The following USP34 variants were observed in gnomAD, a reference collection of about 807,000 sequenced individuals.
USP34 encodes ubiquitin specific peptidase 34, also known as ubiquitin carboxyl-terminal hydrolase 34.
A neutral mutation model predicts 460.3 loss-of-function variants in USP34; 70 were observed. The ratio of observed to expected loss-of-function variants is 0.15; its 90% CI spans 0.13 to 0.19. USP34 has a LOEUF of 0.19. Ranked by LOEUF, USP34 falls within the 10% of genes least tolerant of loss-of-function variation. The probability of loss-of-function intolerance (pLI) is 1.00; values close to 1 mark genes in which losing one functional copy is unlikely to be tolerated. For missense variants in USP34, 3,985 were observed against 4,236.2 expected (o/e 0.94, Z 1.65); for synonymous variants, 1,647 against 1,405.3 (o/e 1.17, Z -3.85).
chr2:61,334,057 T>C, intron 18 of USP34, 86 bp from the exon 19 acceptor site: 1 of 943,804 alleles, frequency 1.1e-6, no homozygotes, highest in South Asian at 2.1e-5. Flanking sequence ...TGCTAAAAGA[T>C]TTAATGAATC....
chr2:61,397,460 A>T (rs1000807208), intron 3 of USP34, among the ~76,000 whole-genome samples: 13 of 136,036 alleles, frequency 9.6e-5, no homozygotes, highest in Non-Finnish European at 1.8e-4. Flanking sequence ...AAAAAAAAAA[A>T]TTCACGCTGA....
At chr2:61,468,523 G>GT (rs766935596) in intron 1 of USP34, among the ~76,000 whole-genome samples, 2 of 152,170 alleles carry the variant, frequency 1.3e-5, no homozygotes, top group South Asian at 4.1e-4. Flanking sequence ...TGAGATTATT[G>GT]TTTAAGAGTT....
At chr2:61,372,819 G>A (rs1264703845) in intron 8 of USP34, among the ~76,000 whole-genome samples, 3 of 152,124 alleles carry the variant, frequency 2.0e-5, no homozygotes, top group African/African-American at 7.2e-5. Flanking sequence ...TACATGCAAT[G>A]GGGGTCAAAG....
chr2:61,453,456 T>G (rs2104072800), intron 1 of USP34, among the ~76,000 whole-genome samples: 1 of 151,790 alleles, frequency 6.6e-6, no homozygotes, highest in South Asian at 2.1e-4. Context: ...GTGCCTGTAA[T>G]CCCAGCACTT....
Position 61,204,546 on chromosome 2 carries a change from A to G in USP34, c.9210T>C (p.Val3070=), listed in dbSNP as rs199739048. 2.5e-4 allele frequency: 406 copies of G among 1,614,042 alleles called. No homozygotes were observed. The highest frequency in any genetic ancestry group is 3.2e-4 in the Non-Finnish European group (376 of 1,180,012). Reference sequence around the variant, plus strand: ...TACAATGGTTGTGTTGTAGAAAGGGAACCAGAGTATGAAGAAAATCATGGG... The same window carrying G: ...TACAATGGTTGTGTTGTAGAAAGGGGACCAGAGTATGAAGAAAATCATGGG... ...LSPHDFLHTL[V]PFLQHNHCTY... The change falls in exon 73 of 80, where the codon GTT becomes GTC. Residue 3070 remains valine (V), a synonymous_variant. Coordinates refer to ENST00000398571, the MANE Select transcript of USP34 (RefSeq NM_014709.4).
At chr2:61,368,578 C>A (rs1489596121) in intron 10 of USP34, among the ~76,000 whole-genome samples, 1 of 151,982 alleles carries the variant, frequency 6.6e-6, no homozygotes, top group Non-Finnish European at 1.5e-5. Context: ...CAAAAAATTA[C>A]CCAGTCAAGA....
chr2:61,314,797 A>C lies in USP34; in HGVS notation c.3383-53T>G, dbSNP rs780482589. 21 of 1,585,226 alleles carry C rather than the reference A, an allele frequency of 1.3e-5. No individual in the cohort carries two copies. The South Asian group carries it at 2.3e-4, about 18-fold the overall frequency. On this transcript the variant is annotated intron_variant, in intron 24 of 79. Coordinates refer to ENST00000398571, the MANE Select transcript of USP34 (RefSeq NM_014709.4). ...ATTAGCCTTATATTCTTGTTTAGCT[A>C]TATCAAAGAAAAATTTTAGTTTCAC...
chr2:61,430,562 T>C (rs1379779302), intron 1 of USP34, among the ~76,000 whole-genome samples: 2 of 152,190 alleles, frequency 1.3e-5, no homozygotes, highest in Non-Finnish European at 2.9e-5. Flanking sequence ...TATGAGTGTA[T>C]ACATTTGTCA....
chr2:61,370,615 A>T, intron 8 of USP34, 36 bp from the exon 9 acceptor site: 1 of 1,586,496 alleles, frequency 6.3e-7, no homozygotes, highest in Admixed American at 1.8e-5. Flanking sequence ...CATTAAAAAA[A>T]ATTGTCATCT....
chr2:61,276,896 C>T (rs1167430312), intron 41 of USP34, among the ~76,000 whole-genome samples: 1 of 152,188 alleles, frequency 6.6e-6, no homozygotes, highest in African/African-American at 2.4e-5. Flanking sequence ...ATCTTCTATC[C>T]TTTTGGTTGC....
chr2:61,251,434 C>CTAG (rs1198978854), intron 48 of USP34, among the ~76,000 whole-genome samples: 6 of 152,190 alleles, frequency 3.9e-5, no homozygotes, highest in African/African-American at 1.4e-4. Flanking sequence ...TGCAGGTTGT[C>CTAG]TACTAAAGAT....
rs1224719024 is a variant in USP34 at position 61,348,083 on chromosome 2, A to G, written c.2072T>C (p.Met691Thr). The change falls in exon 15 of 80, where the codon ATG (methionine) becomes ACG (threonine). Residue 691 changes from methionine to threonine, a missense_variant. Physicochemically the swap from Met to Thr is moderately conservative, Grantham distance 81. This residue lies in a region of USP34 where 716 missense variants were observed against 626.2 expected (regional missense o/e 1.14). Coordinates refer to ENST00000398571, the MANE Select transcript of USP34 (RefSeq NM_014709.4). ...SLPSVDNRMRMLDACSHSEDP... is the reference protein window; with the variant it reads ...SLPSVDNRMRTLDACSHSEDP... ...TTCAGAGTGTGAACAAGCATCCAGC[A>G]TTCGCATTCGATTATCTACTGATGG... The G allele has an allele frequency of 6.2e-6, 10 of 1,614,120 alleles. No individual in the cohort carries two copies. Among genetic ancestry groups the G allele is most frequent in the Admixed American group, 3.3e-5 (2 of 60,008 alleles).
At chr2:61,257,453 T>C (rs1688749633) in intron 44 of USP34, 103 bp from the exon 45 acceptor site, 7 of 916,136 alleles carry the variant, frequency 7.6e-6, no homozygotes, top group Non-Finnish European at 9.0e-6. Flanking sequence ...GTAGTAAATC[T>C]ACTAAGTTAG....
At chr2:61,312,350 C>T (rs558010186) in intron 25 of USP34, among the ~76,000 whole-genome samples, 3 of 151,502 alleles carry the variant, frequency 2.0e-5, no homozygotes, top group Non-Finnish European at 4.4e-5. Flanking sequence ...ACTAACGAGC[C>T]TAATAGAATT....
intron 5 of USP34, among the ~76,000 whole-genome samples, chr2:61,384,400 T>C (rs1572988952): frequency 6.6e-6 from 1 of 152,174 alleles, no homozygotes; most frequent in Non-Finnish European, 1.5e-5. Flanking sequence ...ACAGGCGCGG[T>C]GGCTCATGCC....
intron 18 of USP34, among the ~76,000 whole-genome samples, chr2:61,335,013 A>C (rs1343068529): frequency 7.0e-6 from 1 of 142,584 alleles, no homozygotes; most frequent in East Asian, 1.9e-4. Context: ...TATAATGACC[A>C]GACAGAGTCA....
chr2:61,219,738 CTG>C (rs1243653223), intron 67 of USP34, among the ~76,000 whole-genome samples: 2 of 150,950 alleles, frequency 1.3e-5, no homozygotes, highest in Non-Finnish European at 2.9e-5. Flanking sequence ...GTATCAATGA[CTG>C]TAGGGCCTTC....
rs370923121 is a variant in USP34 at position 61,405,735 on chromosome 2, G to A, written c.525C>T (p.Tyr175=). The A allele has an allele frequency of 5.3e-5, 83 of 1,574,254 alleles. No homozygotes were observed. Among genetic ancestry groups the A allele is most frequent in the Non-Finnish European group, 6.8e-5 (79 of 1,165,052 alleles). The change falls in exon 3 of 80, where the codon TAC becomes TAT. Residue 175 remains tyrosine, a synonymous_variant. Transcript: ENST00000398571. ...CAATAGTAGGGTGAGTATTATGCTTGTAAGCAGTATATAAGGGAAACTGAA... is the reference window on the plus strand; with the variant it reads ...CAATAGTAGGGTGAGTATTATGCTTATAAGCAGTATATAAGGGAAACTGAA... ...FQIQFPLYTA[Y]KHNTHPTIED... is the part of the protein sequence containing the mutation.
intron 75 of USP34, among the ~76,000 whole-genome samples, chr2:61,197,599 C>G (rs1686845290): frequency 6.6e-6 from 1 of 151,210 alleles, no homozygotes; most frequent in Non-Finnish European, 1.5e-5. Flanking sequence ...TTACTTAATA[C>G]TTACTTTCTC....
Sources: allele counts gnomAD v4.1 joint callset (sites outside exome capture counted in the v4.1 genomes callset), GRCh38; gene constraint gnomAD v4.1.1; regional missense constraint gnomAD v4.1.1; transcripts MANE v1.5; gene names NCBI Gene and HGNC (gene_info 2026-07-23, HGNC 2026-07-21).